Variants in RASGEF1B observed in about 807,000 individuals in gnomAD.
RASGEF1B encodes RasGEF domain family member 1B.
In RASGEF1B, 30 loss-of-function variants were observed where a neutral mutation model predicts 65.7. The observed-to-expected ratio is 0.46, with a 90% CI of 0.34 to 0.62. The LOEUF is 0.62. RASGEF1B is among the 20% of genes least tolerant of loss of function. RASGEF1B has a pLI of 0.01. For missense variants in RASGEF1B, 495 were observed against 580.1 expected (o/e 0.85, Z 1.51); for synonymous variants, 175 against 194.8 (o/e 0.90, Z 0.85).
chr4:81,443,319 T>A (rs1481372697), intron 8 of RASGEF1B, among the ~76,000 whole-genome samples: 2 of 152,166 alleles, frequency 1.3e-5, no homozygotes, highest in Non-Finnish European at 2.9e-5. Context: ...AATACACAGA[T>A]CTTAAACACA....
intron 13 of RASGEF1B, 75 bp from the exon 14 acceptor site, chr4:81,427,867 A>G (rs1721282283): frequency 2.9e-6 from 4 of 1,367,284 alleles, no homozygotes; most frequent in Non-Finnish European, 4.1e-6. Context: ...TGCCTTGTGT[A>G]ATACTAATTT....
At position 81,456,848 on chromosome 4, in the gene RASGEF1B, A is replaced by C. The variant is rs1263090921; in HGVS notation, c.301-60T>G. 9.3e-6 allele frequency: 13 copies of C among 1,404,658 alleles called. No individual in the cohort carries two copies. In the East Asian group the frequency reaches 2.3e-4, roughly 25 times the overall value. The allele number at this position is 1,404,658 out of a possible 1,614,324, so 87.0% of individuals were successfully genotyped here. On this transcript the variant is annotated intron_variant, in intron 3 of 13. Coordinates refer to ENST00000264400, the MANE Select transcript of RASGEF1B (RefSeq NM_152545.3). ...TTATCACTATGGACTACATCAAATC[A>C]ATAGTTACAAAGAGCGTCACTGAGA...
intron 10 of RASGEF1B, among the ~76,000 whole-genome samples, chr4:81,439,751 G>A (rs1721771455): frequency 6.6e-6 from 1 of 152,098 alleles, no homozygotes; most frequent in Non-Finnish European, 1.5e-5. Context: ...AGAGTACTGG[G>A]ATTGAGCAAG....
chr4:81,464,000 A>C (rs1017688076), intron 1 of RASGEF1B, among the ~76,000 whole-genome samples: 6 of 152,222 alleles, frequency 3.9e-5, no homozygotes, highest in African/African-American at 1.4e-4. Flanking sequence ...CCAGGGGAAG[A>C]AAGGCTCAGG....
chr4:81,449,449 C>G (rs188055883), intron 4 of RASGEF1B, among the ~76,000 whole-genome samples: 2 of 152,208 alleles, frequency 1.3e-5, no homozygotes. Flanking sequence ...TCCCAGGGCA[C>G]AGCTATGATA....
intron 4 of RASGEF1B, among the ~76,000 whole-genome samples, chr4:81,450,299 CT>C (rs1295757902): frequency 6.6e-6 from 1 of 152,112 alleles, no homozygotes; most frequent in Non-Finnish European, 1.5e-5. Context: ...AAGAGGATCC[CT>C]TGAGCCCAGG....
rs1417482051 is a variant in RASGEF1B at position 81,440,831 on chromosome 4, T to C, written c.1104+3A>G. On this transcript the variant is annotated splice_donor_region_variant and intron_variant, in intron 10 of 13. Coordinates refer to ENST00000264400, the MANE Select transcript of RASGEF1B (RefSeq NM_152545.3). ...TAAGAAAGATACTTCTTTAAGTGCATACCTTTTCTCTACTACTATGAGCAG... is the reference window on the plus strand; with the variant it reads ...TAAGAAAGATACTTCTTTAAGTGCACACCTTTTCTCTACTACTATGAGCAG... 6.3e-7 allele frequency: 1 copy of C among 1,581,468 alleles called. No individual in the cohort carries two copies. The highest frequency in any genetic ancestry group is 2.2e-5 in the East Asian group (1 of 44,688).
At chr4:81,444,784 C>T (rs566752792) in intron 8 of RASGEF1B, among the ~76,000 whole-genome samples, 1 of 152,312 alleles carries the variant, frequency 6.6e-6, no homozygotes, top group East Asian at 1.9e-4. Context: ...ATCCACCCGC[C>T]TTGCCTCCCA....
chr4:81,442,738 T>C (rs938242548), intron 8 of RASGEF1B, among the ~76,000 whole-genome samples: 3 of 152,268 alleles, frequency 2.0e-5, no homozygotes, highest in Non-Finnish European at 4.4e-5. Flanking sequence ...GTTATGGTTG[T>C]GTTCCAGTAA....
intron 2 of RASGEF1B, 63 bp from the exon 3 acceptor site, chr4:81,457,684 T>C (rs1378975802): frequency 1.3e-6 from 2 of 1,568,036 alleles, no homozygotes; most frequent in African/African-American, 2.7e-5. Context: ...CTTGCCTTTA[T>C]ACTATGTCTT....
intron 13 of RASGEF1B, among the ~76,000 whole-genome samples, chr4:81,431,452 A>C (rs1362454573): frequency 6.6e-6 from 1 of 152,076 alleles, no homozygotes; most frequent in Non-Finnish European, 1.5e-5. Flanking sequence ...CAATGCCTTC[A>C]TACCTTATCC....
rs77590218 is a variant in RASGEF1B, at chr4:81,466,915, G to A, written c.-7+4855C>T. On this transcript the variant is annotated intron_variant, in intron 1 of 13. Coordinates refer to ENST00000264400, the MANE Select transcript of RASGEF1B (RefSeq NM_152545.3). ...CAGCATCTCTGGAAACTGCAGAAAT[G>A]CTACACCTCTGCTTACCTCCTTAAA... Among the ~76,000 whole-genome samples the A allele has an allele frequency of 7.5e-3, 1,058 of 140,388 alleles. 12 individuals carry two copies. The highest frequency in any genetic ancestry group is 0.027 in the African/African-American group (1,003 of 36,948). The allele number at this position is 140,388 out of a possible 152,430, so 92.1% of individuals were successfully genotyped here.
chr4:81,468,073 G>A (rs557596498), intron 1 of RASGEF1B, among the ~76,000 whole-genome samples: 1 of 152,072 alleles, frequency 6.6e-6, no homozygotes, highest in African/African-American at 2.4e-5. Flanking sequence ...ATGACTAGTG[G>A]CTACCATACT....
chr4:81,433,362 C>T (rs1370773834), intron 12 of RASGEF1B, among the ~76,000 whole-genome samples: 1 of 151,914 alleles, frequency 6.6e-6, no homozygotes, highest in East Asian at 1.9e-4. Context: ...TTTATGAGCT[C>T]ACTTCTGATG....
intron 1 of RASGEF1B, among the ~76,000 whole-genome samples, chr4:81,466,341 C>T (rs1722801702): frequency 6.6e-6 from 1 of 152,132 alleles, no homozygotes; most frequent in South Asian, 2.1e-4. Flanking sequence ...TCTCCTTTCG[C>T]CCTGCTAGAA....
At chr4:81,429,845 C>T (rs1721358859) in intron 13 of RASGEF1B, among the ~76,000 whole-genome samples, 1 of 151,834 alleles carries the variant, frequency 6.6e-6, no homozygotes, top group Non-Finnish European at 1.5e-5. Context: ...GGGGAGCACG[C>T]TGGCAGATGG....
chr4:81,447,521 G>T lies in RASGEF1B; in HGVS notation c.712C>A (p.Pro238Thr), dbSNP rs1215479794. The change falls in exon 6 of 14, where the codon CCT becomes ACT. Residue 238 changes from proline (P) to threonine (T), a missense_variant. Physicochemically the swap from Pro to Thr is conservative, Grantham distance 38. Transcript: ENST00000264400. ...EFVQAFVQKD[P>T]LDNDKSCYSE... is the part of the protein sequence containing the mutation. ...CTGATTACCTTGTCATTATCCAAAG[G>T]GTCCTTCTGCACGAACGCCTGAACA... The T allele has an allele frequency of 1.2e-6, 2 of 1,613,600 alleles. No individual in the cohort carries two copies. Among genetic ancestry groups the T allele is most frequent in the Non-Finnish European group, 1.7e-6 (2 of 1,179,772 alleles).
chr4:81,445,007 A>G (rs769173277), intron 8 of RASGEF1B, among the ~76,000 whole-genome samples: 3 of 152,240 alleles, frequency 2.0e-5, no homozygotes, highest in Non-Finnish European at 4.4e-5. Context: ...TTGTTACCAT[A>G]CATATTTATA....
At chr4:81,459,219 G>T in intron 2 of RASGEF1B, 113 bp downstream of exon 2, 1 of 829,738 alleles carries the variant, frequency 1.2e-6, no homozygotes, top group Non-Finnish European at 1.8e-6. Context: ...TTTCTTGTTA[G>T]AAAAATTCTT....
Sources: allele counts gnomAD v4.1 joint callset (sites outside exome capture counted in the v4.1 genomes callset), GRCh38; gene constraint gnomAD v4.1.1; transcripts MANE v1.5; gene names NCBI Gene and HGNC (gene_info 2026-07-23, HGNC 2026-07-21).